Variants in GRIK1 observed in about 807,000 individuals in gnomAD.
GRIK1 encodes the protein glutamate receptor ionotropic, kainate 1.
In GRIK1, 69 loss-of-function variants were observed where a neutral mutation model predicts 105.7. The observed-to-expected ratio is 0.65, with a 90% CI of 0.54 to 0.80. GRIK1 has a LOEUF of 0.80. Ranked by LOEUF, GRIK1 falls within the 30% of genes least tolerant of loss-of-function variation. GRIK1 has a pLI of 0.00. For synonymous variants in GRIK1, 438 were observed against 431.3 expected (o/e 1.02, Z -0.19); for missense variants, 1,109 against 1,167.3 (o/e 0.95, Z 0.73).
At chr21:29,809,404 A>T (rs1232889558) in intron 1 of GRIK1, among the ~76,000 whole-genome samples, 1 of 152,184 alleles carries the variant, frequency 6.6e-6, no homozygotes, top group African/African-American at 2.4e-5. Context: ...ACCTTGATTT[A>T]AAAATGCTTT....
At chr21:29,906,244 T>C (rs1441703056) in intron 1 of GRIK1, among the ~76,000 whole-genome samples, 1 of 152,216 alleles carries the variant, frequency 6.6e-6, no homozygotes, top group Non-Finnish European at 1.5e-5. Flanking sequence ...AAAACCAGGC[T>C]TTGTTCTAAT....
chr21:29,855,162 G>C (rs1321908608), intron 1 of GRIK1, among the ~76,000 whole-genome samples: 1 of 152,156 alleles, frequency 6.6e-6, no homozygotes, highest in Non-Finnish European at 1.5e-5. Context: ...AACCCTGTGA[G>C]ATATCACTCA....
intron 1 of GRIK1, among the ~76,000 whole-genome samples, chr21:29,905,556 G>A (rs868540270): frequency 1.3e-5 from 2 of 149,240 alleles, no homozygotes; most frequent in Admixed American, 6.7e-5. Flanking sequence ...AGTGATTCTC[G>A]TGCCTCAACC....
chr21:29,596,533 C>A lies in GRIK1; in HGVS notation c.1244G>T (p.Trp415Leu), dbSNP rs374931169. The change falls in exon 9 of 18, where the codon TGG (tryptophan) becomes TTG (leucine). Residue 415 changes from tryptophan to leucine, a missense_variant. Coordinates refer to ENST00000327783, the MANE Select transcript of GRIK1 (RefSeq NM_001330994.2). ...TGTTGTCAGAGTACAAACCTTCTTC[C>A]ACACTTTATACAAGTGTTTAGACAC... is the stretch of plus-strand genomic sequence containing the variant. ...GEVSKHLYKV[W>L]KKIGIWNSNS... 5 of 1,607,362 alleles carry A rather than the reference C, an allele frequency of 3.1e-6. No individual in the cohort carries two copies. The East Asian group carries it at 1.1e-4, about 36-fold the overall frequency.
intron 7 of GRIK1, among the ~76,000 whole-genome samples, chr21:29,629,769 G>T (rs552479798): frequency 2.0e-5 from 3 of 152,182 alleles, no homozygotes; most frequent in Admixed American, 2.0e-4. Context: ...GATTACAGGC[G>T]TGAGCCACCG....
chr21:29,742,702 A>G (rs995779100), intron 1 of GRIK1, among the ~76,000 whole-genome samples: 3 of 152,242 alleles, frequency 2.0e-5, no homozygotes, highest in African/African-American at 7.2e-5. Flanking sequence ...CTTAGATTCT[A>G]AAGAAATTTA....
intron 7 of GRIK1, among the ~76,000 whole-genome samples, chr21:29,633,015 A>G (rs2062316185): frequency 6.6e-6 from 1 of 152,218 alleles, no homozygotes; most frequent in Admixed American, 6.5e-5. Context: ...TGGGGCCTTT[A>G]GGAAAGGATT....
chr21:29,552,947 T>C (rs956427670), intron 16 of GRIK1, among the ~76,000 whole-genome samples: 8 of 152,092 alleles, frequency 5.3e-5, no homozygotes, highest in Non-Finnish European at 1.0e-4. Flanking sequence ...AAGTTTAGTT[T>C]TCTTTCTGTG....
At chr21:29,632,342 G>T (rs561223667) in intron 7 of GRIK1, among the ~76,000 whole-genome samples, 1 of 152,096 alleles carries the variant, frequency 6.6e-6, no homozygotes, top group Non-Finnish European at 1.5e-5. Context: ...AAGAGTGTCT[G>T]CCACATACTA....
intron 6 of GRIK1, among the ~76,000 whole-genome samples, chr21:29,644,877 C>T (rs115816734): frequency 6.6e-6 from 1 of 152,256 alleles, no homozygotes; most frequent in South Asian, 2.1e-4. Context: ...AAATCCCTTG[C>T]AAACATTAAA....
At chr21:29,848,779 A>ATATATATATATATATTTTTTTTT in intron 1 of GRIK1, among the ~76,000 whole-genome samples, 4 of 77,884 alleles carry the variant, frequency 5.1e-5, no homozygotes, top group African/African-American at 2.3e-4. Context: ...ATATATATAT[A>ATATATATATATATATTTTTTTTT]TTTTTTTTTT....
chr21:29,576,663 AT>A lies in GRIK1; in HGVS notation c.2130+300del, dbSNP rs145939429. On this transcript the variant is annotated intron_variant, in intron 14 of 17. Coordinates refer to ENST00000327783, the MANE Select transcript of GRIK1 (RefSeq NM_001330994.2). ...TAATGAGTGGTTAGATTGTATTCAG[AT>A]TTTTTTTTTCTGGTGTAAAGGCAAG... is the stretch of plus-strand genomic sequence containing the variant. 2.4e-3 allele frequency among the ~76,000 whole-genome samples: 357 copies of A among 149,992 alleles called. 1 individual carries two copies. Among genetic ancestry groups the A allele is most frequent in the African/African-American group, 8.0e-3 (328 of 40,944 alleles).
chr21:29,746,043 G>A (rs1006152953), intron 1 of GRIK1, among the ~76,000 whole-genome samples: 6 of 152,136 alleles, frequency 3.9e-5, no homozygotes, highest in Non-Finnish European at 8.8e-5. Flanking sequence ...GGCAGAGCTT[G>A]CAGTGAGCCA....
intron 1 of GRIK1, among the ~76,000 whole-genome samples, chr21:29,754,032 C>G (rs1351192086): frequency 1.3e-5 from 2 of 152,072 alleles, no homozygotes; most frequent in Non-Finnish European, 2.9e-5. Flanking sequence ...AGACTCATTA[C>G]CAAAACTGCA....
intron 1 of GRIK1, among the ~76,000 whole-genome samples, chr21:29,938,801 GC>G (rs1203923365): frequency 3.3e-5 from 5 of 151,960 alleles, no homozygotes; most frequent in African/African-American, 1.2e-4. Flanking sequence ...TCTGAACTCT[GC>G]CCCAATCTAG....
At chr21:29,857,599 A>C (rs1422268740) in intron 1 of GRIK1, among the ~76,000 whole-genome samples, 4 of 152,136 alleles carry the variant, frequency 2.6e-5, no homozygotes, top group Non-Finnish European at 5.9e-5. Context: ...TATTTCCAGA[A>C]GACTTCTACC....
intron 3 of GRIK1, among the ~76,000 whole-genome samples, chr21:29,678,695 ATGTTCCATCGT>A (rs1358249921): frequency 6.6e-6 from 1 of 152,180 alleles, no homozygotes; most frequent in East Asian, 1.9e-4. Flanking sequence ...AGTGTAAAGA[ATGTTCCATCGT>A]TGGGTTATTT....
intron 14 of GRIK1, among the ~76,000 whole-genome samples, chr21:29,568,553 A>G (rs2090664577): frequency 6.6e-6 from 1 of 152,106 alleles, no homozygotes; most frequent in Admixed American, 6.6e-5. Context: ...ATGTTTTAAA[A>G]CCTATTTTAT....
intron 1 of GRIK1, among the ~76,000 whole-genome samples, chr21:29,894,752 G>A (rs967882514): frequency 6.6e-6 from 1 of 152,114 alleles, no homozygotes; most frequent in African/African-American, 2.4e-5. Context: ...ATTTTAATCG[G>A]CGGGATGGCC....
Sources: allele counts gnomAD v4.1 joint callset (sites outside exome capture counted in the v4.1 genomes callset), GRCh38; gene constraint gnomAD v4.1.1; transcripts MANE v1.5; gene names NCBI Gene and HGNC (gene_info 2026-07-23, HGNC 2026-07-21).